Variants in SLC8A1 observed in about 807,000 individuals in gnomAD.
SLC8A1 encodes solute carrier family 8 member A1.
A neutral mutation model predicts 68.3 loss-of-function variants in SLC8A1; 18 were observed. The ratio of observed to expected loss-of-function variants is 0.26; its 90% CI spans 0.18 to 0.39. SLC8A1 has a LOEUF of 0.39. Among genes scored for constraint, SLC8A1 ranks in the 10% least tolerant of loss-of-function variants. The pLI, the probability that SLC8A1 is intolerant of heterozygous loss-of-function variation, is 1.00. For missense variants in SLC8A1, 985 were observed against 1,156.7 expected, an observed-to-expected ratio of 0.85 and a Z score of 2.15; for synonymous variants, 475 against 415.5, an observed-to-expected ratio of 1.14 and a Z score of -1.74.
intron 2 of SLC8A1, among the ~76,000 whole-genome samples, chr2:40,385,207 T>C (rs10177941): frequency 0.73 from 111,506 of 151,822 alleles, 42,324 homozygotes; most frequent in African/African-American, 0.93. Context: ...TTTCTGCAAA[T>C]AGAAGATGCA....
In SLC8A1 at chr2:40,160,768, C is replaced by A. The variant is rs759094603; in HGVS notation, c.2158G>T (p.Ala720Ser). ...ATATGCAGAGAAAGGCACTCACCAGCACTGACAGTGATAGCTTCAATGAAC... is the reference window on the plus strand; with the variant it reads ...ATATGCAGAGAAAGGCACTCACCAGAACTGACAGTGATAGCTTCAATGAAC... The change falls in exon 6 of 8, where the codon GCT becomes TCT. Residue 720 changes from alanine to serine, a missense_variant. Around this residue, in one of 5 missense-constraint regions of SLC8A1, gnomAD observed 584 missense variants for 565.9 expected, o/e 1.03. Coordinates refer to ENST00000406785, the Ensembl canonical transcript of SLC8A1. 4.3e-6 allele frequency: 7 copies of A among 1,612,680 alleles called. No individual in the cohort carries two copies. The South Asian group carries it at 7.7e-5, about 18-fold the overall frequency.
intron 2 of SLC8A1, among the ~76,000 whole-genome samples, chr2:40,184,985 TG>T (rs1430648853): frequency 2.7e-5 from 4 of 146,764 alleles, no homozygotes; most frequent in Non-Finnish European, 6.0e-5. Flanking sequence ...GATAAACAAA[TG>T]GCCAATAAGT....
chr2:40,413,014 T>G (rs1311602455), intron 2 of SLC8A1, among the ~76,000 whole-genome samples: 1 of 152,162 alleles, frequency 6.6e-6, no homozygotes, highest in Non-Finnish European at 1.5e-5. Context: ...AACTTGTCAT[T>G]TAGCATCAGG....
At chr2:40,451,428 A>G (rs933032185) in intron 1 of SLC8A1, among the ~76,000 whole-genome samples, 11 of 152,132 alleles carry the variant, frequency 7.2e-5, no homozygotes, top group Non-Finnish European at 1.0e-4. Flanking sequence ...GGGCTCGGAA[A>G]TGTGGCCTTG....
intron 1 of SLC8A1, among the ~76,000 whole-genome samples, chr2:40,488,896 A>G (rs549606295): frequency 2.0e-5 from 3 of 152,128 alleles, no homozygotes; most frequent in Non-Finnish European, 2.9e-5. Flanking sequence ...TCAGAGAGAG[A>G]GACTTACACT....
chr2:40,402,703 G>C (rs185323508), intron 2 of SLC8A1, among the ~76,000 whole-genome samples: 1 of 152,120 alleles, frequency 6.6e-6, no homozygotes, highest in African/African-American at 2.4e-5. Context: ...CAGTGCAAAA[G>C]AAAAACTCTT....
chr2:40,399,538 T>C (rs1485617004), intron 2 of SLC8A1, among the ~76,000 whole-genome samples: 1 of 152,068 alleles, frequency 6.6e-6, no homozygotes, highest in African/African-American at 2.4e-5. Flanking sequence ...GAGGTCTAGA[T>C]CCAAAAAATA....
At chr2:40,303,315 C>T (rs1348680185) in intron 2 of SLC8A1, among the ~76,000 whole-genome samples, 1 of 152,198 alleles carries the variant, frequency 6.6e-6, no homozygotes, top group Non-Finnish European at 1.5e-5. Flanking sequence ...CTTAGTTGCA[C>T]ACACATTCAT....
intron 4 of SLC8A1, among the ~76,000 whole-genome samples, chr2:40,168,902 C>T (rs1270429520): frequency 6.6e-6 from 1 of 152,168 alleles, no homozygotes; most frequent in Non-Finnish European, 1.5e-5. Flanking sequence ...CCAATCCAAA[C>T]AACTTAAAGA....
exon 8 of SLC8A1, chr2:40,106,579 A>G (rs1417774179): frequency 2.6e-5 from 4 of 152,348 alleles, no homozygotes; most frequent in South Asian, 4.1e-4. Context: ...TCTGTCTCAA[A>G]TAAGATCTGG....
chr2:40,236,394 T>C (rs943217388), intron 2 of SLC8A1, among the ~76,000 whole-genome samples: 1 of 152,214 alleles, frequency 6.6e-6, no homozygotes, highest in African/African-American at 2.4e-5. Flanking sequence ...TGGTTTAAGG[T>C]CTGTTTTATC....
intron 2 of SLC8A1, among the ~76,000 whole-genome samples, chr2:40,261,369 G>A (rs1464576956): frequency 3.9e-5 from 6 of 152,094 alleles, no homozygotes; most frequent in Admixed American, 3.3e-4. Flanking sequence ...TGGCTAAAAG[G>A]GTTTCTCTTT....
chr2:40,193,622 G>A (rs1396913823), intron 2 of SLC8A1, among the ~76,000 whole-genome samples: 1 of 152,128 alleles, frequency 6.6e-6, no homozygotes, highest in Non-Finnish European at 1.5e-5. Flanking sequence ...TTGGAGACAG[G>A]AGAAATGCTA....
intron 2 of SLC8A1, among the ~76,000 whole-genome samples, chr2:40,264,450 CA>C (rs1414503691): frequency 2.0e-5 from 3 of 152,020 alleles, no homozygotes; most frequent in Non-Finnish European, 4.4e-5. Flanking sequence ...GGAACCAACC[CA>C]AATGTCCAAC....
intron 2 of SLC8A1, among the ~76,000 whole-genome samples, chr2:40,230,554 A>C (rs1474753627): frequency 1.3e-5 from 2 of 152,194 alleles, no homozygotes; most frequent in Non-Finnish European, 2.9e-5. Context: ...ATCACTATAA[A>C]GGATACACAT....
At chr2:40,436,072 C>T (rs1425749512) in intron 1 of SLC8A1, among the ~76,000 whole-genome samples, 1 of 151,864 alleles carries the variant, frequency 6.6e-6, no homozygotes, top group African/African-American at 2.4e-5. Context: ...GTCTGGCCAG[C>T]TCTTATTACT....
chr2:40,400,240 T>C (rs868554732), intron 2 of SLC8A1, among the ~76,000 whole-genome samples: 7 of 152,122 alleles, frequency 4.6e-5, no homozygotes, highest in African/African-American at 1.7e-4. Flanking sequence ...TCTGAGGAGT[T>C]TTGTCTGCGG....
chr2:40,473,720 G>A (rs890105006), intron 1 of SLC8A1, among the ~76,000 whole-genome samples: 7 of 152,112 alleles, frequency 4.6e-5, no homozygotes, highest in African/African-American at 1.4e-4. Context: ...AATGAGATGG[G>A]TAAGAAACAG....
At chr2:40,138,736 G>A (rs2040999173) in intron 7 of SLC8A1, among the ~76,000 whole-genome samples, 1 of 152,140 alleles carries the variant, frequency 6.6e-6, no homozygotes, top group Admixed American at 6.6e-5. Context: ...TATCAATGTT[G>A]TTTGGGAAGA....
Sources: allele counts gnomAD v4.1 joint callset (sites outside exome capture counted in the v4.1 genomes callset), GRCh38; gene constraint gnomAD v4.1.1; regional missense constraint gnomAD v4.1.1; transcripts MANE v1.5; gene names NCBI Gene and HGNC (gene_info 2026-07-23, HGNC 2026-07-21).